The following GABRA3 variants were observed in gnomAD, a reference collection of about 807,000 sequenced individuals.
The protein encoded by GABRA3 is gamma-aminobutyric acid type A receptor subunit alpha3, also known as gamma-aminobutyric acid receptor subunit alpha-3.
A neutral mutation model predicts 30.1 loss-of-function variants in GABRA3; 10 were observed. That is an observed-to-expected ratio of 0.33 (90% confidence interval 0.20 to 0.56). The LOEUF is 0.56. Among genes scored for constraint, GABRA3 ranks in the 20% least tolerant of loss-of-function variants. GABRA3 has a pLI of 0.89. For missense variants in GABRA3, 233 were observed against 392.0 expected (o/e 0.59, Z 3.42); for synonymous variants, 151 against 146.8 (o/e 1.03, Z -0.21).
At chrX:152,363,271 G>C (rs1228735845) in intron 2 of GABRA3, among the ~76,000 whole-genome samples, 1 of 111,909 alleles carries the variant, frequency 8.9e-6, no homozygotes, top group Non-Finnish European at 1.9e-5. Flanking sequence ...AAATATTGCA[G>C]AAAGCATAGT....
At chrX:152,345,295 T>C (rs1454344730) in intron 3 of GABRA3, among the ~76,000 whole-genome samples, 1 of 111,476 alleles carries the variant, frequency 9.0e-6, no homozygotes, top group Non-Finnish European at 1.9e-5. Flanking sequence ...CATAAACCCA[T>C]CATAAAGACA....
intron 2 of GABRA3, among the ~76,000 whole-genome samples, chrX:152,361,306 C>T (rs1431966425): frequency 9.1e-6 from 1 of 109,683 alleles, no homozygotes; most frequent in African/African-American, 3.3e-5. Context: ...TAAGAACTAA[C>T]ACTGGCTGGG....
intron 2 of GABRA3, 144 bp from the exon 3 acceptor site, chrX:152,345,846 C>T: frequency 2.1e-6 from 1 of 482,036 alleles, no homozygotes. Context: ...GCAATCACTA[C>T]ATATTTGTCA....
chrX:152,327,025 G>GAA (rs756781698), intron 3 of GABRA3, among the ~76,000 whole-genome samples: 8 of 84,131 alleles, frequency 9.5e-5, no homozygotes, highest in African/African-American at 2.2e-4. Context: ...CAAGCAAATG[G>GAA]AAAAAAAAAA....
intron 5 of GABRA3, among the ~76,000 whole-genome samples, chrX:152,237,155 C>G (rs1221394241): frequency 7.2e-5 from 8 of 111,310 alleles, no homozygotes; most frequent in Non-Finnish European, 1.5e-4. Context: ...TCTAATCCAT[C>G]TTGAATTGAT....
rs1206379599 is a variant in GABRA3, at chrX:152,247,386, G to A, written c.551+8392C>T. Among the ~76,000 whole-genome samples, 5 of 111,018 alleles carry A rather than the reference G, an allele frequency of 4.5e-5. No homozygotes were observed. In the Admixed American group the frequency reaches 4.8e-4, roughly 11 times the overall value. On this transcript the variant is annotated intron_variant, in intron 5 of 9. Coordinates refer to ENST00000370314, the MANE Select transcript of GABRA3 (RefSeq NM_000808.4). Reference sequence around the variant, plus strand: ...CCTGCATTTCCAACTGCAGCTTGTCGTGTCCACTTCAGATTTGTTATTTAA... The same window carrying A: ...CCTGCATTTCCAACTGCAGCTTGTCATGTCCACTTCAGATTTGTTATTTAA...
intron 4 of GABRA3, among the ~76,000 whole-genome samples, chrX:152,278,555 T>C (rs960289635): frequency 3.6e-5 from 4 of 111,861 alleles, no homozygotes; most frequent in African/African-American, 6.5e-5. Context: ...TTGTGAATAG[T>C]GCCACAATAA....
chrX:152,413,943 C>A (rs752764973), intron 1 of GABRA3, among the ~76,000 whole-genome samples: 11 of 109,812 alleles, frequency 1.0e-4, no homozygotes, highest in Non-Finnish European at 1.9e-4. Flanking sequence ...AGTCACAGGA[C>A]ACAAGATCAA....
intron 3 of GABRA3, among the ~76,000 whole-genome samples, chrX:152,312,752 A>G (rs1939817700): frequency 8.9e-6 from 1 of 112,301 alleles, no homozygotes; most frequent in African/African-American, 3.2e-5. Flanking sequence ...TCTAATTTCC[A>G]TAATCTATAC....
intron 5 of GABRA3, among the ~76,000 whole-genome samples, chrX:152,237,764 G>C (rs1177645355): frequency 9.4e-6 from 1 of 106,046 alleles, no homozygotes; most frequent in Non-Finnish European, 1.9e-5. Flanking sequence ...ATTGTGAATG[G>C]GAGTTCACTC....
chrX:152,386,802 T>TA (rs1929328747), intron 1 of GABRA3, among the ~76,000 whole-genome samples: 1 of 110,592 alleles, frequency 9.0e-6, no homozygotes, highest in African/African-American at 3.3e-5. Flanking sequence ...ACTGGGTATA[T>TA]ACCCAAAGGA....
intron 1 of GABRA3, among the ~76,000 whole-genome samples, chrX:152,446,083 A>G (rs1931079830): frequency 8.9e-6 from 1 of 111,793 alleles, no homozygotes; most frequent in African/African-American, 3.3e-5. Context: ...CTTACTATTG[A>G]AGCACAGTCA....
intron 4 of GABRA3, among the ~76,000 whole-genome samples, chrX:152,264,484 T>TGTTTAA (rs1938787117): frequency 9.0e-6 from 1 of 110,822 alleles, no homozygotes; most frequent in African/African-American, 3.3e-5. Context: ...CCAAAAACCA[T>TGTTTAA]ACAATGGATA....
At chrX:152,345,397 C>T (rs1260902327) in intron 3 of GABRA3, among the ~76,000 whole-genome samples, 184 bp downstream of exon 3, 1 of 111,653 alleles carries the variant, frequency 9.0e-6, no homozygotes, top group Non-Finnish European at 1.9e-5. Context: ...TGAAGCCAGA[C>T]CAGAGAAATC....
At chrX:152,445,034 C>T (rs1237462089) in intron 1 of GABRA3, among the ~76,000 whole-genome samples, 1 of 62,873 alleles carries the variant, frequency 1.6e-5, no homozygotes, top group African/African-American at 6.8e-5. Flanking sequence ...GCACTCCAGC[C>T]TGGGCAACAG....
intron 1 of GABRA3, among the ~76,000 whole-genome samples, chrX:152,391,523 A>G (rs1929482979): frequency 9.0e-6 from 1 of 111,523 alleles, no homozygotes; most frequent in Admixed American, 9.6e-5. Flanking sequence ...ATGCGCTCCA[A>G]TGATCACATG....
At chrX:152,326,654 T>G (rs1940064090) in intron 3 of GABRA3, among the ~76,000 whole-genome samples, 1 of 111,386 alleles carries the variant, frequency 9.0e-6, no homozygotes, top group African/African-American at 3.3e-5. Flanking sequence ...AAGCAAATGC[T>G]GAGAGATTTT....
intron 3 of GABRA3, among the ~76,000 whole-genome samples, chrX:152,328,452 A>G: frequency 8.9e-6 from 1 of 112,081 alleles, no homozygotes; most frequent in Non-Finnish European, 1.9e-5. Flanking sequence ...AATCCTCAAT[A>G]AAATACTGGC....
At chrX:152,252,925 C>T (rs1233121181) in intron 5 of GABRA3, among the ~76,000 whole-genome samples, 1 of 111,755 alleles carries the variant, frequency 8.9e-6, no homozygotes, top group Admixed American at 9.5e-5. Context: ...TCAGAGCTGA[C>T]ACATACTATT....
Sources: allele counts gnomAD v4.1 joint callset (sites outside exome capture counted in the v4.1 genomes callset), GRCh38; gene constraint gnomAD v4.1.1; transcripts MANE v1.5; gene names NCBI Gene and HGNC (gene_info 2026-07-23, HGNC 2026-07-21).